Variants in ADAM2 observed in about 807,000 individuals in gnomAD.
The protein encoded by ADAM2 is ADAM metallopeptidase domain 2.
A neutral mutation model predicts 99.3 loss-of-function variants in ADAM2; 101 were observed. The observed-to-expected ratio is 1.02, with a 90% CI of 0.87 to 1.20. The LOEUF is 1.20. ADAM2 is among the 50% of genes most tolerant of loss of function. The pLI is 0.00. For missense variants in ADAM2, 948 were observed against 878.7 expected (o/e 1.08, Z -1.00); for synonymous variants, 323 against 287.6 (o/e 1.12, Z -1.25).
intron 7 of ADAM2, among the ~76,000 whole-genome samples, chr8:39,801,507 G>C (rs1441812187): frequency 6.6e-6 from 1 of 152,200 alleles, no homozygotes; most frequent in African/African-American, 2.4e-5. Flanking sequence ...GTGGCATGGG[G>C]AATAGGACTT....
chr8:39,816,951 T>C (rs1262657153), intron 6 of ADAM2, among the ~76,000 whole-genome samples: 1 of 152,246 alleles, frequency 6.6e-6, no homozygotes, highest in African/African-American at 2.4e-5. Flanking sequence ...GGCCATAGTT[T>C]GTCAACTCCT....
rs1802693934 is a variant in ADAM2, at chr8:39,769,479, A to G, written c.1125T>C (p.Pro375=). ...KQKSQCLHNQ[P]RLDPFFKQQA... is the part of the protein sequence containing the mutation. ...GCTGTTTGAAAAAAGGATCTAAGCGAGGCTGATTGTGAAGACACTGGGACT... is the reference window on the plus strand; with the variant it reads ...GCTGTTTGAAAAAAGGATCTAAGCGGGGCTGATTGTGAAGACACTGGGACT... The change falls in exon 12 of 21, where the codon CCT becomes CCC. Residue 375 remains proline, a synonymous_variant. Coordinates refer to ENST00000265708, the MANE Select transcript of ADAM2 (RefSeq NM_001464.5). 6.2e-7 allele frequency: 1 copy of G among 1,613,892 alleles called. No individual in the cohort carries two copies. Among genetic ancestry groups the G allele is most frequent in the Non-Finnish European group, 8.5e-7 (1 of 1,179,786 alleles).
intron 11 of ADAM2, among the ~76,000 whole-genome samples, chr8:39,769,950 C>CTTTTTTTTTTTTTTTTTTTTTTTTTTTCT (rs60250805): frequency 7.4e-6 from 1 of 134,854 alleles, no homozygotes; most frequent in Non-Finnish European, 1.6e-5. Flanking sequence ...TTTCTTTTTT[C>CTTTTTTTTTTTTTTTTTTTTTTTTTTTCT]TTTTTTTTTT....
chr8:39,802,218 G>C (rs967566112), intron 7 of ADAM2, among the ~76,000 whole-genome samples: 3 of 152,072 alleles, frequency 2.0e-5, no homozygotes, highest in Non-Finnish European at 2.9e-5. Flanking sequence ...CCCTTGGCTG[G>C]GGGGAGGGGA....
chr8:39,779,251 A>G (rs1484235454), intron 10 of ADAM2, among the ~76,000 whole-genome samples: 2 of 152,090 alleles, frequency 1.3e-5, no homozygotes, highest in East Asian at 1.9e-4. Flanking sequence ...GTTGGTTGGC[A>G]TCTGCTGAGA....
At chr8:39,772,760 T>C (rs925451412) in intron 11 of ADAM2, among the ~76,000 whole-genome samples, 13 of 151,924 alleles carry the variant, frequency 8.6e-5, no homozygotes, top group African/African-American at 2.7e-4. Context: ...CTAGTAACAA[T>C]ACAACACAAA....
chr8:39,769,194 C>T (rs1802681728), intron 12 of ADAM2, among the ~76,000 whole-genome samples, 198 bp downstream of exon 12: 2 of 152,232 alleles, frequency 1.3e-5, no homozygotes, highest in Admixed American at 6.5e-5. Context: ...TACAAATCCA[C>T]GTAGATCCAC....
At chr8:39,834,098 A>T in intron 2 of ADAM2, 99 bp from the exon 3 acceptor site, 1 of 627,802 alleles carries the variant, frequency 1.6e-6, no homozygotes, top group East Asian at 2.8e-5. Flanking sequence ...TCTAAAACAC[A>T]TTCATTTAAT....
intron 10 of ADAM2, among the ~76,000 whole-genome samples, chr8:39,781,203 G>A (rs1803215980): frequency 6.6e-6 from 1 of 152,050 alleles, no homozygotes; most frequent in African/African-American, 2.4e-5. Flanking sequence ...ACACATTCAT[G>A]TAGGTATAAT....
At chr8:39,746,407 A>C in intron 19 of ADAM2, 65 bp downstream of exon 19, 3 of 1,063,394 alleles carry the variant, frequency 2.8e-6, no homozygotes, top group Non-Finnish European at 2.7e-6. Context: ...TACATCGACC[A>C]CATTGCTATT....
intron 18 of ADAM2, among the ~76,000 whole-genome samples, chr8:39,747,996 T>G (rs201971): frequency 0.58 from 88,194 of 151,926 alleles, 25,811 homozygotes; most frequent in East Asian, 0.86. Flanking sequence ...TTTTTATTAT[T>G]TATTGCTGTA....
intron 7 of ADAM2, among the ~76,000 whole-genome samples, chr8:39,809,092 A>G (rs1298519728): frequency 6.6e-6 from 1 of 152,208 alleles, no homozygotes; most frequent in Non-Finnish European, 1.5e-5. Flanking sequence ...TTCTTTTTAA[A>G]TAATATCCAA....
chr8:39,828,240 G>A (rs926177181), intron 3 of ADAM2, among the ~76,000 whole-genome samples: 1 of 151,644 alleles, frequency 6.6e-6, no homozygotes, highest in African/African-American at 2.4e-5. Flanking sequence ...ATACTTCATG[G>A]GGATTTAAAA....
intron 11 of ADAM2, among the ~76,000 whole-genome samples, chr8:39,770,495 C>G (rs1156952861): frequency 1.3e-5 from 2 of 152,152 alleles, no homozygotes; most frequent in African/African-American, 4.8e-5. Context: ...AAGTATAACA[C>G]AGTGTTTCAG....
At chr8:39,802,203 T>A (rs532759989) in intron 7 of ADAM2, among the ~76,000 whole-genome samples, 1 of 152,300 alleles carries the variant, frequency 6.6e-6, no homozygotes, top group South Asian at 2.1e-4. Flanking sequence ...GCTCACTCAC[T>A]GCCTCCCTTG....
intron 11 of ADAM2, 84 bp downstream of exon 11, chr8:39,776,941 T>G (rs1803012708): frequency 2.3e-6 from 2 of 874,706 alleles, no homozygotes; most frequent in Non-Finnish European, 3.6e-6. Flanking sequence ...GCCATTATTA[T>G]TTAACAACTT....
intron 15 of ADAM2, among the ~76,000 whole-genome samples, chr8:39,760,298 A>G (rs915711012): frequency 6.6e-6 from 1 of 152,216 alleles, no homozygotes; most frequent in Non-Finnish European, 1.5e-5. Flanking sequence ...CAAACTGGTG[A>G]TGCGTTATTA....
intron 11 of ADAM2, among the ~76,000 whole-genome samples, chr8:39,772,291 T>C (rs73674773): frequency 0.036 from 5,532 of 151,980 alleles, 231 homozygotes; most frequent in African/African-American, 0.1. Flanking sequence ...TTGTACAATG[T>C]CTAAATTTCT....
At chr8:39,803,081 G>T (rs765614218) in intron 7 of ADAM2, among the ~76,000 whole-genome samples, 1 of 152,136 alleles carries the variant, frequency 6.6e-6, no homozygotes, top group South Asian at 2.1e-4. Flanking sequence ...AAGATTGAGA[G>T]CAACAGAAAA....
Sources: gnomAD v4.1 joint callset for allele counts (sites outside exome capture counted in the v4.1 genomes callset) on GRCh38, gnomAD v4.1.1 for gene constraint, MANE v1.5 for transcripts, NCBI Gene and HGNC (gene_info 2026-07-23, HGNC 2026-07-21) for gene names.